Variants in LHFPL2 observed in about 807,000 individuals in gnomAD.
LHFPL2 encodes LHFPL tetraspan subfamily member 2 protein.
LHFPL2 carries 7 observed loss-of-function variants against 17.5 expected under a neutral mutation model. The ratio of observed to expected loss-of-function variants is 0.40; its 90% confidence interval spans 0.23 to 0.75. LHFPL2 has a LOEUF of 0.75. LHFPL2 is among the 30% of genes least tolerant of loss of function. The pLI is 0.37. For synonymous variants in LHFPL2, 134 were observed against 116.2 expected (o/e 1.15, Z -0.99); for missense variants, 241 against 294.8 (o/e 0.82, Z 1.34).
intron 4 of LHFPL2, among the ~76,000 whole-genome samples, chr5:78,504,476 G>C (rs894707765): frequency 2.0e-5 from 3 of 152,134 alleles, no homozygotes; most frequent in African/African-American, 7.2e-5. Flanking sequence ...GATCAGTCAT[G>C]GGGTTGGGCT....
intron 4 of LHFPL2, among the ~76,000 whole-genome samples, chr5:78,502,252 CCAT>C (rs1442623613): frequency 6.6e-6 from 1 of 152,162 alleles, no homozygotes; most frequent in African/African-American, 2.4e-5. Context: ...AAATTAATGG[CCAT>C]CAGTTAAAAA....
intron 1 of LHFPL2, among the ~76,000 whole-genome samples, chr5:78,646,665 T>C (rs1304179309): frequency 6.6e-6 from 1 of 152,180 alleles, no homozygotes; most frequent in Non-Finnish European, 1.5e-5. Flanking sequence ...AAAATAAATA[T>C]GTAGTTTTTT....
intron 2 of LHFPL2, among the ~76,000 whole-genome samples, chr5:78,612,970 A>G (rs1744468612): frequency 6.6e-6 from 1 of 152,238 alleles, no homozygotes; most frequent in Non-Finnish European, 1.5e-5. Flanking sequence ...TTCCACGTGC[A>G]TAGCTGGTGA....
intron 3 of LHFPL2, among the ~76,000 whole-genome samples, chr5:78,532,739 A>G (rs1755823325): frequency 6.6e-6 from 1 of 152,028 alleles, no homozygotes; most frequent in Non-Finnish European, 1.5e-5. Flanking sequence ...CCGAGATGCC[A>G]CTTTTTCCAT....
At position 78,489,009 on chromosome 5, in the gene LHFPL2, G is replaced by A; in HGVS notation, c.575C>T (p.Thr192Ile). The A allele has an allele frequency of 6.2e-7, 1 of 1,614,212 alleles. No homozygotes were observed. Residue 192 changes from threonine (T) to isoleucine (I), a missense_variant, in exon 5 of 5, where the codon ACA becomes ATA. Transcript: ENST00000380345. ...GWAFYTAIGG[T>I]VLTFICAVFS... ...GACAGCACAGATGAAAGTGAGGACT[G>A]TGCCCCCAATGGCGGTATAAAAGGC...
intron 2 of LHFPL2, among the ~76,000 whole-genome samples, chr5:78,572,531 T>C (rs28437030): frequency 1.4e-3 from 205 of 149,108 alleles, no homozygotes; most frequent in African/African-American, 4.0e-3. Context: ...TATATATATA[T>C]ACACACACAT....
At chr5:78,548,055 G>C (rs1397939012) in intron 3 of LHFPL2, among the ~76,000 whole-genome samples, 2 of 152,268 alleles carry the variant, frequency 1.3e-5, no homozygotes, top group Non-Finnish European at 2.9e-5. Flanking sequence ...GGCCGAGACG[G>C]AGGAAGAGCC....
At chr5:78,647,096 TAC>T (rs1441477988) in intron 1 of LHFPL2, among the ~76,000 whole-genome samples, 1 of 152,248 alleles carries the variant, frequency 6.6e-6, no homozygotes, top group Non-Finnish European at 1.5e-5. Flanking sequence ...TATCTGATAT[TAC>T]TTCAAAATCA....
At chr5:78,495,960 C>A (rs995595972) in intron 4 of LHFPL2, among the ~76,000 whole-genome samples, 2 of 152,174 alleles carry the variant, frequency 1.3e-5, no homozygotes, top group African/African-American at 4.8e-5. Flanking sequence ...TTCACAGTGA[C>A]CCCCTTGGAC....
intron 3 of LHFPL2, among the ~76,000 whole-genome samples, chr5:78,546,649 T>A (rs1024229652): frequency 6.6e-6 from 1 of 152,230 alleles, no homozygotes; most frequent in Non-Finnish European, 1.5e-5. Flanking sequence ...TCTGGCAGAA[T>A]CACCTGCACA....
At chr5:78,512,227 T>A (rs936573474) in intron 3 of LHFPL2, among the ~76,000 whole-genome samples, 7 of 152,044 alleles carry the variant, frequency 4.6e-5, no homozygotes, top group African/African-American at 1.7e-4. Context: ...AAGCACAGGC[T>A]ACTTAGAGAT....
intron 1 of LHFPL2, among the ~76,000 whole-genome samples, chr5:78,638,483 G>A (rs548976587): frequency 1.3e-5 from 2 of 152,334 alleles, no homozygotes; most frequent in South Asian, 2.1e-4. Flanking sequence ...TATAGACCTC[G>A]TGATCGTAAA....
intron 4 of LHFPL2, among the ~76,000 whole-genome samples, chr5:78,496,638 T>C (rs895785189): frequency 6.6e-6 from 1 of 152,208 alleles, no homozygotes; most frequent in African/African-American, 2.4e-5. Flanking sequence ...CTGTGTTCCA[T>C]ATGACACAGC....
intron 3 of LHFPL2, among the ~76,000 whole-genome samples, chr5:78,516,647 G>A (rs1237568424): frequency 3.9e-5 from 6 of 152,132 alleles, no homozygotes; most frequent in African/African-American, 7.2e-5. Context: ...ATTCTGATGC[G>A]TATGTCTATA....
rs189470913 is a variant in LHFPL2 at position 78,620,824 on chromosome 5, C to G, written c.-245+11440G>C. Among the ~76,000 whole-genome samples, 166 of 152,336 alleles carry G rather than the reference C, an allele frequency of 1.1e-3. 3 individuals are homozygous for G. Among genetic ancestry groups the G allele is most frequent in the Non-Finnish European group, 5.1e-4 (35 of 68,040 alleles). On this transcript the variant is annotated intron_variant, in intron 2 of 4. Coordinates refer to ENST00000380345, the MANE Select transcript of LHFPL2 (RefSeq NM_005779.3). ...GACTGCCAAGCAGCTCCAAACTATTCTCAATGTGATTTCTCTCTATTTTCG... is the reference window on the plus strand; with the variant it reads ...GACTGCCAAGCAGCTCCAAACTATTGTCAATGTGATTTCTCTCTATTTTCG...
In LHFPL2 at chr5:78,578,458, A is replaced by G. The variant is rs147243310; in HGVS notation, c.-244-13587T>C. ...GTTTTGGAATTGGGAAACTACAATC[A>G]GGGTTTAGTTAATTTCCTTCTCTTG... On this transcript the variant is annotated intron_variant, in intron 2 of 4. Coordinates refer to ENST00000380345, the MANE Select transcript of LHFPL2 (RefSeq NM_005779.3). 7.9e-3 allele frequency among the ~76,000 whole-genome samples: 1,204 copies of G among 152,232 alleles called. 14 individuals carry two copies. The highest frequency in any genetic ancestry group is 0.026 in the African/African-American group (1,067 of 41,538).
At chr5:78,527,876 C>G (rs1277503994) in intron 3 of LHFPL2, among the ~76,000 whole-genome samples, 3 of 152,132 alleles carry the variant, frequency 2.0e-5, no homozygotes, top group Non-Finnish European at 4.4e-5. Flanking sequence ...ATGAAGTCAG[C>G]AACACCTCTC....
At chr5:78,517,240 C>G (rs897369172) in intron 3 of LHFPL2, among the ~76,000 whole-genome samples, 5 of 152,236 alleles carry the variant, frequency 3.3e-5, no homozygotes, top group Admixed American at 2.0e-4. Flanking sequence ...CTGAACAAGT[C>G]TCTTTTTCTC....
chr5:78,609,026 C>T (rs550771219), intron 2 of LHFPL2, among the ~76,000 whole-genome samples: 1 of 152,062 alleles, frequency 6.6e-6, no homozygotes, highest in Admixed American at 6.5e-5. Flanking sequence ...GACCTTTCTG[C>T]AAGAGTTTGT....
Sources: gnomAD v4.1 joint callset for allele counts (sites outside exome capture counted in the v4.1 genomes callset) on GRCh38, gnomAD v4.1.1 for gene constraint, MANE v1.5 for transcripts, NCBI Gene and HGNC (gene_info 2026-07-23, HGNC 2026-07-21) for gene names.